The following DHX57 variants were observed in gnomAD, a reference collection of about 807,000 sequenced individuals.
DHX57 encodes DExH-box helicase 57.
A neutral mutation model predicts 156.2 loss-of-function variants in DHX57; 105 were observed. That is an observed-to-expected ratio of 0.67 (90% CI 0.57 to 0.79). The LOEUF is 0.79. Ranked by LOEUF, DHX57 falls within the 30% of genes least tolerant of loss-of-function variation. DHX57 has a pLI of 0.00. For missense variants in DHX57, 1,847 were observed against 1,661.9 expected, an observed-to-expected ratio of 1.11 and a Z score of -1.94; for synonymous variants, 704 against 595.6, an observed-to-expected ratio of 1.18 and a Z score of -2.65.
At chr2:38,848,969 A>G (rs1672434573) in intron 9 of DHX57, among the ~76,000 whole-genome samples, 1 of 152,218 alleles carries the variant, frequency 6.6e-6, no homozygotes, top group Admixed American at 6.5e-5. Context: ...TCCAGGCAGT[A>G]CCAATCAAAA....
chr2:38,798,969 C>A (rs1361063266), intron 23 of DHX57, among the ~76,000 whole-genome samples: 9 of 151,746 alleles, frequency 5.9e-5, no homozygotes, highest in Non-Finnish European at 1.2e-4. Context: ...AGAAAAGATT[C>A]AGTCTGGAAG....
chr2:38,811,540 C>G, intron 21 of DHX57: 1 of 1,141,318 alleles, frequency 8.8e-7, no homozygotes, highest in Non-Finnish European at 1.3e-6. Flanking sequence ...TCCTTCTGGC[C>G]AACATTGGCC....
At chr2:38,834,790 A>G (rs889082105) in intron 13 of DHX57, among the ~76,000 whole-genome samples, 1 of 152,230 alleles carries the variant, frequency 6.6e-6, no homozygotes, top group African/African-American at 2.4e-5. Flanking sequence ...AATCCAGAGT[A>G]AGGGCCATTG....
At position 38,861,590 on chromosome 2, in the gene DHX57, T is replaced by C. The variant is rs149007934; in HGVS notation, c.820A>G (p.Ile274Val). ...IERIQNRVWT[I>V]GLELEYLTSR... Reference sequence around the variant, plus strand: ...GTCAGATACTCCAGTTCTAACCCAATGGTCCAGACTCTGTTCTGAATTCTT... The same window carrying C: ...GTCAGATACTCCAGTTCTAACCCAACGGTCCAGACTCTGTTCTGAATTCTT... The change falls in exon 5 of 24, where the codon ATT becomes GTT. Residue 274 changes from isoleucine to valine, a missense_variant. By Grantham distance (29) the Ile-to-Val change is conservative. Coordinates refer to ENST00000457308, the MANE Select transcript of DHX57 (RefSeq NM_198963.3). 1.2e-4 allele frequency: 198 copies of C among 1,614,240 alleles called. No individual in the cohort carries two copies. In the African/African-American group the frequency reaches 2.1e-3, roughly 17 times the overall value.
intron 1 of DHX57, among the ~76,000 whole-genome samples, chr2:38,872,005 G>A (rs1395147970): frequency 2.0e-5 from 3 of 152,114 alleles, no homozygotes; most frequent in African/African-American, 2.4e-5. Context: ...ACCGCGCCCG[G>A]CCTAATAACT....
In DHX57 at chr2:38,834,004, A is replaced by G. The variant is rs116925488; in HGVS notation, c.2542+3827T>C. On this transcript the variant is annotated intron_variant, in intron 13 of 23. Coordinates refer to ENST00000457308, the MANE Select transcript of DHX57 (RefSeq NM_198963.3). ...ATGGACCATACCTGGCGCCATTTGC[A>G]TCTAGAGAAATGTGAACAAATGTAA... Among the ~76,000 whole-genome samples, 63 of 152,282 alleles carry G rather than the reference A, an allele frequency of 4.1e-4. No individual in the cohort carries two copies. In the East Asian group the frequency reaches 0.011, roughly 27 times the overall value.
chr2:38,808,500 C>A (rs1331550194), intron 21 of DHX57, among the ~76,000 whole-genome samples: 4 of 151,822 alleles, frequency 2.6e-5, no homozygotes, highest in African/African-American at 7.3e-5. Flanking sequence ...ATATATAAGA[C>A]CTTGTTGTAA....
At chr2:38,826,735 G>A (rs765748168) in intron 14 of DHX57, 46 bp from the exon 15 acceptor site, 11 of 1,582,454 alleles carry the variant, frequency 7.0e-6, no homozygotes, top group Non-Finnish European at 6.9e-6. Context: ...ACCTAGCACC[G>A]AAACTAGATT....
intron 1 of DHX57, among the ~76,000 whole-genome samples, chr2:38,874,022 C>A (rs758988477): frequency 3.9e-5 from 6 of 152,152 alleles, no homozygotes; most frequent in Non-Finnish European, 7.4e-5. Flanking sequence ...CCCTGTAGAA[C>A]CTGCATAGAG....
At chr2:38,834,742 G>A (rs1024275987) in intron 13 of DHX57, among the ~76,000 whole-genome samples, 2 of 152,178 alleles carry the variant, frequency 1.3e-5, no homozygotes, top group South Asian at 4.1e-4. Context: ...GCAGATGGAG[G>A]TCTATAACCG....
In DHX57 at chr2:38,855,195, T is replaced by A; in HGVS notation, c.1767A>T (p.Pro589=). ...AGATGATGTTGGCTACCTTCTCAGG[T>A]GGTCCATTCAGAGAATCATCCAGAA... The part of the protein sequence containing the change: ...QFILDDSLNG[P]PEKVANIICT... The change falls in exon 8 of 24, where the codon CCA becomes CCT. Residue 589 remains proline, a synonymous_variant. Coordinates refer to ENST00000457308, the MANE Select transcript of DHX57 (RefSeq NM_198963.3). The A allele has an allele frequency of 6.2e-7, 1 of 1,614,168 alleles. No homozygotes were observed. The highest frequency in any genetic ancestry group is 8.5e-7 in the Non-Finnish European group (1 of 1,180,026).
intron 12 of DHX57, among the ~76,000 whole-genome samples, chr2:38,839,786 A>G (rs1671884844): frequency 6.6e-6 from 1 of 152,138 alleles, no homozygotes; most frequent in Non-Finnish European, 1.5e-5. Context: ...TTGGTCAAAA[A>G]TGAAAAAAAG....
chr2:38,861,416 C>T lies in DHX57; in HGVS notation c.994G>A (p.Gly332Arg), dbSNP rs1395818683. The change falls in exon 5 of 24, where the codon GGA becomes AGA. Residue 332 changes from glycine (G) to arginine (R), a missense_variant. Transcript: ENST00000457308. ...KHEVPPNQIV[G>R]RIERSVDDSH... ...TCATCTACACTTCTTTCTATTCTTC[C>T]AACAATTTGATTTGGGGGCACTTCA... 6.2e-7 allele frequency: 1 copy of T among 1,613,880 alleles called. No individual in the cohort carries two copies. The highest frequency in any genetic ancestry group is 8.5e-7 in the Non-Finnish European group (1 of 1,180,014).
In DHX57 at chr2:38,833,689, T is replaced by C. The variant is rs142095570; in HGVS notation, c.2542+4142A>G. Among the ~76,000 whole-genome samples the C allele has an allele frequency of 7.2e-3, 1,104 of 152,310 alleles. 8 individuals are homozygous for C. Among genetic ancestry groups the C allele is most frequent in the Non-Finnish European group, 0.012 (800 of 68,032 alleles). On this transcript the variant is annotated intron_variant, in intron 13 of 23. Coordinates refer to ENST00000457308, the MANE Select transcript of DHX57 (RefSeq NM_198963.3). Reference sequence around the variant, plus strand: ...TAGTAGTAATAGTGTTTAACTATAATAAGTGTTCAGTTGATCCTTGAACAA... The same window carrying C: ...TAGTAGTAATAGTGTTTAACTATAACAAGTGTTCAGTTGATCCTTGAACAA...
At chr2:38,862,000 C>T (rs1673253135) in intron 4 of DHX57, 145 bp downstream of exon 4, 2 of 1,207,386 alleles carry the variant, frequency 1.7e-6, no homozygotes, top group Admixed American at 2.9e-5. Flanking sequence ...CTGAATGACC[C>T]CTTCTGATAA....
At chr2:38,866,228 A>C (rs995222111) in intron 2 of DHX57, among the ~76,000 whole-genome samples, 1 of 152,240 alleles carries the variant, frequency 6.6e-6, no homozygotes, top group Non-Finnish European at 1.5e-5. Flanking sequence ...CAAAGTCCTA[A>C]TAATGGCCCA....
rs1672827390 is a variant in DHX57 at position 38,855,161 on chromosome 2, G to A, written c.1801C>T (p.Pro601Ser). 6.2e-7 allele frequency: 1 copy of A among 1,614,130 alleles called. No homozygotes were observed. Among genetic ancestry groups the A allele is most frequent in the Admixed American group, 1.7e-5 (1 of 60,022 alleles). The stretch of plus-strand genomic sequence containing the variant: ...ACAGAGATTGCAGAGATTCGTCGGG[G>A]TTGGGTACAGATGATGTTGGCTACC... ...EKVANIICTQ[P>S]RRISAISVAE... Residue 601 changes from proline (P) to serine (S), a missense_variant, in exon 8 of 24, where the codon CCC becomes TCC. Transcript: ENST00000457308.
At chr2:38,843,504 C>A (rs1057514982) in intron 11 of DHX57, among the ~76,000 whole-genome samples, 3 of 152,178 alleles carry the variant, frequency 2.0e-5, no homozygotes, top group African/African-American at 7.2e-5. Flanking sequence ...TAACACCCCT[C>A]TTCATTTTTG....
intron 1 of DHX57, among the ~76,000 whole-genome samples, chr2:38,871,657 G>C (rs914363917): frequency 1.3e-5 from 2 of 151,890 alleles, no homozygotes; most frequent in African/African-American, 4.8e-5. Flanking sequence ...GCAGAAGTGG[G>C]CACGATACAG....
Sources: allele counts gnomAD v4.1 joint callset (sites outside exome capture counted in the v4.1 genomes callset), GRCh38; gene constraint gnomAD v4.1.1; transcripts MANE v1.5; gene names NCBI Gene and HGNC (gene_info 2026-07-23, HGNC 2026-07-21).